Variants in TRPS1 observed in about 807,000 individuals in gnomAD.
TRPS1 encodes transcriptional repressor GATA binding 1.
A neutral mutation model predicts 101.2 loss-of-function variants in TRPS1; 6 were observed. The observed-to-expected ratio is 0.06, with a 90% CI of 0.03 to 0.12. The LOEUF is 0.12. TRPS1 is among the 10% of genes least tolerant of loss of function. TRPS1 has a pLI of 1.00. For synonymous variants in TRPS1, 578 were observed against 589.8 expected (o/e 0.98, Z 0.29); for missense variants, 1,363 against 1,567.0 (o/e 0.87, Z 2.20).
At chr8:115,640,832 T>C (rs934539197) in intron 1 of TRPS1, among the ~76,000 whole-genome samples, 25 of 152,232 alleles carry the variant, frequency 1.6e-4, no homozygotes, top group Non-Finnish European at 1.5e-5. Flanking sequence ...CAGTTCAAGA[T>C]GTAACACTCT....
chr8:115,474,937 G>C (rs745923064), intron 5 of TRPS1, among the ~76,000 whole-genome samples: 39 of 151,996 alleles, frequency 2.6e-4, no homozygotes, highest in East Asian at 3.9e-4. Flanking sequence ...AAAAAATTAT[G>C]GGTTCCCAGA....
At chr8:115,505,437 A>C (rs1815418016) in intron 5 of TRPS1, among the ~76,000 whole-genome samples, 1 of 152,030 alleles carries the variant, frequency 6.6e-6, no homozygotes, top group Non-Finnish European at 1.5e-5. Context: ...TATGCGCTAA[A>C]ATTTTTTCAT....
chr8:115,577,455 TA>T (rs1563616752), intron 5 of TRPS1, among the ~76,000 whole-genome samples: 1 of 152,120 alleles, frequency 6.6e-6, no homozygotes, highest in Non-Finnish European at 1.5e-5. Context: ...CAAATTTTCA[TA>T]AAAAATAATA....
intron 5 of TRPS1, among the ~76,000 whole-genome samples, chr8:115,490,059 A>G (rs2130098745): frequency 6.6e-6 from 1 of 152,252 alleles, no homozygotes; most frequent in South Asian, 2.1e-4. Context: ...GGTTATCTCT[A>G]CATTTTATTC....
At chr8:115,561,767 G>A (rs1003448606) in intron 5 of TRPS1, among the ~76,000 whole-genome samples, 19 of 151,500 alleles carry the variant, frequency 1.3e-4, no homozygotes, top group Non-Finnish European at 7.4e-5. Flanking sequence ...TACCCAACCT[G>A]TTCTGACCAC....
intron 5 of TRPS1, among the ~76,000 whole-genome samples, chr8:115,497,029 C>T (rs1372568617): frequency 6.6e-6 from 1 of 152,076 alleles, no homozygotes; most frequent in African/African-American, 2.4e-5. Flanking sequence ...AAAACTAATA[C>T]CAGAAAATGA....
intron 6 of TRPS1, among the ~76,000 whole-genome samples, chr8:115,415,689 A>C (rs980507960): frequency 1.6e-4 from 24 of 152,276 alleles, no homozygotes; most frequent in African/African-American, 5.8e-4. Context: ...ATCTCTCTCC[A>C]CTATGTGAGG....
chr8:115,458,129 G>A (rs754707544), intron 5 of TRPS1, among the ~76,000 whole-genome samples: 4 of 152,246 alleles, frequency 2.6e-5, no homozygotes, highest in Non-Finnish European at 4.4e-5. Context: ...GACTGCATGT[G>A]AGGAAATGGA....
At chr8:115,536,155 T>C (rs1216982058) in intron 5 of TRPS1, among the ~76,000 whole-genome samples, 1 of 152,124 alleles carries the variant, frequency 6.6e-6, no homozygotes, top group Non-Finnish European at 1.5e-5. Context: ...AAAGATGTAA[T>C]TTTACATAAT....
intron 5 of TRPS1, among the ~76,000 whole-genome samples, chr8:115,477,778 A>G (rs1295957547): frequency 6.6e-6 from 1 of 152,018 alleles, no homozygotes; most frequent in Non-Finnish European, 1.5e-5. Context: ...ATCTTAAAAT[A>G]CAGACTGTTT....
chr8:115,600,523 A>C (rs1336093602), intron 4 of TRPS1, among the ~76,000 whole-genome samples: 1 of 152,102 alleles, frequency 6.6e-6, no homozygotes, highest in Non-Finnish European at 1.5e-5. Context: ...CCTTCTCTCT[A>C]TGAGTAACTC....
intron 5 of TRPS1, among the ~76,000 whole-genome samples, chr8:115,438,282 C>T (rs1813506585): frequency 6.6e-6 from 1 of 152,220 alleles, no homozygotes; most frequent in African/African-American, 2.4e-5. Flanking sequence ...CTGGGCCCAG[C>T]ACCATGTTGG....
intron 5 of TRPS1, among the ~76,000 whole-genome samples, chr8:115,450,524 A>G (rs527308510): frequency 6.9e-6 from 1 of 145,502 alleles, no homozygotes; most frequent in Non-Finnish European, 1.5e-5. Context: ...CTCTTTTTTT[A>G]AAAAAAAAAA....
At chr8:115,508,586 G>A (rs1004881788) in intron 5 of TRPS1, among the ~76,000 whole-genome samples, 6 of 151,894 alleles carry the variant, frequency 4.0e-5, no homozygotes, top group African/African-American at 1.4e-4. Flanking sequence ...TGGCCTCCGT[G>A]GAGTCTTCTA....
chr8:115,535,155 G>GTATAGCATATA (rs71287284), intron 5 of TRPS1, among the ~76,000 whole-genome samples: 93,375 of 137,430 alleles, frequency 0.68, 33,865 homozygotes, highest in African/African-American at 0.89. Flanking sequence ...TATAGCATAT[G>GTATAGCATATA]TATAGCATAT....
At chr8:115,515,298 C>T (rs992949112) in intron 5 of TRPS1, 49 of 695,644 alleles carry the variant, frequency 7.0e-5, no homozygotes, top group Admixed American at 4.4e-4. Flanking sequence ...TGCAGTAACA[C>T]GAAGAAGTAC....
chr8:115,612,001 A>G (rs1397944645), intron 3 of TRPS1, among the ~76,000 whole-genome samples: 1 of 152,078 alleles, frequency 6.6e-6, no homozygotes, highest in Non-Finnish European at 1.5e-5. Context: ...TATAAAATGT[A>G]GGACAACTGA....
chr8:115,426,255 G>A (rs1164596858), intron 5 of TRPS1, among the ~76,000 whole-genome samples: 1 of 152,116 alleles, frequency 6.6e-6, no homozygotes, highest in Non-Finnish European at 1.5e-5. Flanking sequence ...AAACTTCAGT[G>A]TGACAGCACA....
At chr8:115,596,999 C>T (rs1817802749) in intron 4 of TRPS1, among the ~76,000 whole-genome samples, 1 of 151,686 alleles carries the variant, frequency 6.6e-6, no homozygotes, top group African/African-American at 2.4e-5. Flanking sequence ...TAAAACATTC[C>T]ACTGCTTGAA....
Sources: allele counts gnomAD v4.1 joint callset (sites outside exome capture counted in the v4.1 genomes callset), GRCh38; gene constraint gnomAD v4.1.1; transcripts MANE v1.5; gene names NCBI Gene and HGNC (gene_info 2026-07-23, HGNC 2026-07-21).